Variants in LRBA observed in about 807,000 individuals in gnomAD.
LRBA encodes lipopolysaccharide-responsive and beige-like anchor protein.
A neutral mutation model predicts 330.0 loss-of-function variants in LRBA; 176 were observed. That is an observed-to-expected ratio of 0.53 (90% CI 0.47 to 0.60). LRBA has a LOEUF of 0.60. Among genes scored for constraint, LRBA ranks in the 20% least tolerant of loss-of-function variants. LRBA has a pLI of 0.00. For synonymous variants in LRBA, 1,230 were observed against 1,193.0 expected, an observed-to-expected ratio of 1.03 and a Z score of -0.64; for missense variants, 3,259 against 3,444.8, an observed-to-expected ratio of 0.95 and a Z score of 1.35.
chr4:150,851,935 T>C lies in LRBA; in HGVS notation c.3775A>G (p.Lys1259Glu). The change falls in exon 23 of 57, where the codon AAG becomes GAG. Residue 1259 changes from lysine (K) to glutamate (E), a missense_variant. Transcript: ENST00000651943. ...GGTGCTTCCACGTTGGGACTGGCCT[T>C]CAACTCCAGCCTCTCAGTATCTGTA... is the stretch of plus-strand genomic sequence containing the variant. The part of the protein sequence containing the change: ...VATDTERLEL[K>E]ASPNVEAPQP... 1 of 1,614,076 alleles carries C rather than the reference T, an allele frequency of 6.2e-7. No individual in the cohort carries two copies. The highest frequency in any genetic ancestry group is 8.5e-7 in the Non-Finnish European group (1 of 1,179,970).
At chr4:150,797,780 A>G (rs1395287542) in intron 34 of LRBA, among the ~76,000 whole-genome samples, 1 of 152,090 alleles carries the variant, frequency 6.6e-6, no homozygotes, top group Non-Finnish European at 1.5e-5. Flanking sequence ...ATAGAAATAA[A>G]TCTGTTTTTA....
intron 29 of LRBA, among the ~76,000 whole-genome samples, chr4:150,830,366 G>A (rs1042102041): frequency 2.6e-5 from 4 of 152,150 alleles, no homozygotes; most frequent in Non-Finnish European, 4.4e-5. Context: ...GTAGAGAGAC[G>A]ATATGGAGAC....
At position 150,310,212 on chromosome 4, in the gene LRBA, A is replaced by G; in HGVS notation, c.7849+17T>C. 1 of 1,586,442 alleles carries G rather than the reference A, an allele frequency of 6.3e-7. No individual in the cohort carries two copies. The highest frequency in any genetic ancestry group is 8.6e-7 in the Non-Finnish European group (1 of 1,156,432). On this transcript the variant is annotated intron_variant, in intron 52 of 56. Coordinates refer to ENST00000651943, the MANE Select transcript of LRBA (RefSeq NM_001364905.1). ...TATAGTAAACTTTAGTTCACTGATAAAGAAAATGAAAATTACCTGTGTCTG... is the reference window on the plus strand; with the variant it reads ...TATAGTAAACTTTAGTTCACTGATAGAGAAAATGAAAATTACCTGTGTCTG...
intron 44 of LRBA, among the ~76,000 whole-genome samples, chr4:150,444,872 T>C (rs914864781): frequency 3.3e-5 from 5 of 152,188 alleles, no homozygotes; most frequent in African/African-American, 9.7e-5. Flanking sequence ...TCTTCATAGT[T>C]CTATGTTATT....
intron 47 of LRBA, among the ~76,000 whole-genome samples, chr4:150,410,393 T>C (rs979248076): frequency 6.6e-6 from 1 of 152,208 alleles, no homozygotes. Context: ...GCATCTCTTT[T>C]AACTTGTCCA....
Position 150,467,694 on chromosome 4 carries a change from G to C in LRBA, c.6759C>G (p.Thr2253=). Reference sequence around the variant, plus strand: ...TTACCTTGGACAAATCTCTGAAGTTGGTGGGCAAGGTAAGATCCAGTTCTT... The same window carrying C: ...TTACCTTGGACAAATCTCTGAAGTTCGTGGGCAAGGTAAGATCCAGTTCTT... ...ESEELDLTLP[T]NFRDLSKPIG... Residue 2253 remains threonine (T), a synonymous_variant, in exon 44 of 57, where the codon ACC becomes ACG. Coordinates refer to ENST00000651943, the MANE Select transcript of LRBA (RefSeq NM_001364905.1). The C allele has an allele frequency of 6.3e-6, 10 of 1,596,892 alleles. No homozygotes were observed. Among genetic ancestry groups the C allele is most frequent in the African/African-American group, 1.3e-5 (1 of 74,556 alleles).
intron 23 of LRBA, among the ~76,000 whole-genome samples, chr4:150,851,593 G>C (rs1341388407): frequency 6.6e-6 from 1 of 152,194 alleles, no homozygotes; most frequent in African/African-American, 2.4e-5. Context: ...AAGGTAAAAT[G>C]CAAGTGTTTC....
chr4:150,890,323 A>G (rs564292571), intron 17 of LRBA, among the ~76,000 whole-genome samples: 12 of 152,338 alleles, frequency 7.9e-5, no homozygotes, highest in Admixed American at 3.9e-4. Context: ...TTTAGCTTAG[A>G]GTGTGCCTAC....
chr4:150,563,772 C>T (rs1239277085), intron 40 of LRBA, among the ~76,000 whole-genome samples: 2 of 152,044 alleles, frequency 1.3e-5, no homozygotes, highest in Non-Finnish European at 2.9e-5. Flanking sequence ...CATGAGAGAA[C>T]TCCCATTCAC....
At chr4:150,426,599 T>A (rs1451172389) in intron 46 of LRBA, among the ~76,000 whole-genome samples, 1 of 151,894 alleles carries the variant, frequency 6.6e-6, no homozygotes, top group African/African-American at 2.4e-5. Flanking sequence ...ATTATTATCA[T>A]TAGTAGGATT....
chr4:150,513,079 A>T (rs1761996430), intron 40 of LRBA, among the ~76,000 whole-genome samples: 1 of 152,230 alleles, frequency 6.6e-6, no homozygotes, highest in African/African-American at 2.4e-5. Context: ...TAAAGTTTGA[A>T]ATCAGCAAGA....
intron 2 of LRBA, among the ~76,000 whole-genome samples, chr4:150,998,661 T>C (rs1742982257): frequency 6.6e-6 from 1 of 151,870 alleles, no homozygotes. Flanking sequence ...GGCAGGAAAA[T>C]TCACTTAATT....
intron 37 of LRBA, among the ~76,000 whole-genome samples, chr4:150,676,949 C>T (rs1347873330): frequency 6.6e-6 from 1 of 152,178 alleles, no homozygotes; most frequent in African/African-American, 2.4e-5. Flanking sequence ...TTCAGACATA[C>T]TCTACTTCTA....
chr4:150,380,071 C>T (rs1262661232), intron 47 of LRBA, among the ~76,000 whole-genome samples: 4 of 149,434 alleles, frequency 2.7e-5, no homozygotes, highest in Non-Finnish European at 5.9e-5. Context: ...CCCACCTACT[C>T]GGGAGGCTGA....
In LRBA at chr4:150,397,617, C is replaced by T. The variant is rs535989209; in HGVS notation, c.7194+17821G>A. 2.6e-5 allele frequency among the ~76,000 whole-genome samples: 4 copies of T among 152,292 alleles called. No homozygotes were observed. In the South Asian group the frequency reaches 8.3e-4, roughly 32 times the overall value. On this transcript the variant is annotated intron_variant, in intron 47 of 56. Coordinates refer to ENST00000651943, the MANE Select transcript of LRBA (RefSeq NM_001364905.1). ...TAAAATAGGTATGGTCTCATTTGTA[C>T]AACTAAAACTTATTAAAACATATGC...
chr4:150,687,435 AT>A (rs1164532831), intron 36 of LRBA, among the ~76,000 whole-genome samples: 2 of 152,104 alleles, frequency 1.3e-5, no homozygotes, highest in Non-Finnish European at 2.9e-5. Flanking sequence ...TTAAGGCAGA[AT>A]TTTTTATGTT....
chr4:150,952,870 T>C (rs1006464689), intron 2 of LRBA, among the ~76,000 whole-genome samples: 1 of 152,172 alleles, frequency 6.6e-6, no homozygotes, highest in South Asian at 2.1e-4. Context: ...CATTCATCTT[T>C]ATATCTCTGT....
intron 40 of LRBA, among the ~76,000 whole-genome samples, chr4:150,535,254 C>T (rs942850972): frequency 2.6e-5 from 4 of 152,124 alleles, no homozygotes; most frequent in African/African-American, 9.7e-5. Context: ...CCACCTCAGA[C>T]TCCTAAGTAG....
At chr4:150,796,197 G>T (rs549588812) in intron 34 of LRBA, among the ~76,000 whole-genome samples, 12 of 151,858 alleles carry the variant, frequency 7.9e-5, no homozygotes, top group African/African-American at 2.7e-4. Context: ...GTAAAATGTC[G>T]ACTTGAAATT....
Sources: gnomAD v4.1 joint callset for allele counts (sites outside exome capture counted in the v4.1 genomes callset) on GRCh38, gnomAD v4.1.1 for gene constraint, MANE v1.5 for transcripts, NCBI Gene and HGNC (gene_info 2026-07-23, HGNC 2026-07-21) for gene names.